PKIB: variants seen among roughly 807,000 people sequenced by gnomAD.
PKIB encodes cAMP-dependent protein kinase inhibitor beta.
PKIB carries 2 observed loss-of-function variants against 4.5 expected under a neutral mutation model. The observed-to-expected ratio is 0.44, with a 90% CI of 0.18 to 1.39. PKIB has a LOEUF of 1.39. Ranked by LOEUF, PKIB falls within the 40% of genes most tolerant of loss-of-function variation. The probability of loss-of-function intolerance (pLI) is 0.27; values close to 1 mark genes in which losing one functional copy is unlikely to be tolerated. For missense variants in PKIB, 94 were observed against 92.6 expected (o/e 1.02, Z -0.06); for synonymous variants, 38 against 36.0 (o/e 1.06, Z -0.20).
At chr6:122,594,645 A>T (rs1327026431) in intron 3 of PKIB, among the ~76,000 whole-genome samples, 1 of 152,152 alleles carries the variant, frequency 6.6e-6, no homozygotes, top group Admixed American at 6.5e-5. Context: ...TTCTTCTACT[A>T]CCCATTCTGT....
chr6:122,705,103 A>T (rs1405099531), intron 3 of PKIB, among the ~76,000 whole-genome samples: 1 of 152,166 alleles, frequency 6.6e-6, no homozygotes, highest in Non-Finnish European at 1.5e-5. Flanking sequence ...CCATCTATTT[A>T]ATAATCCTTA....
intron 2 of PKIB, among the ~76,000 whole-genome samples, chr6:122,518,052 T>C (rs888882708): frequency 3.9e-5 from 6 of 152,240 alleles, no homozygotes; most frequent in African/African-American, 1.4e-4. Flanking sequence ...ACTTTTTTTT[T>C]CTCAACAGGT....
chr6:122,519,367 C>A (rs530642613), intron 2 of PKIB, among the ~76,000 whole-genome samples: 3 of 152,088 alleles, frequency 2.0e-5, no homozygotes, highest in Non-Finnish European at 4.4e-5. Flanking sequence ...ATAATTGTTT[C>A]ATTATATGTT....
intron 3 of PKIB, among the ~76,000 whole-genome samples, chr6:122,690,953 A>C (rs761424451): frequency 7.1e-4 from 100 of 140,748 alleles, no homozygotes; most frequent in Non-Finnish European, 1.3e-3. Context: ...TTTTTGCCAA[A>C]TATACTATTC....
At chr6:122,672,079 G>T (rs1269431439) in intron 2 of PKIB, among the ~76,000 whole-genome samples, 1 of 152,108 alleles carries the variant, frequency 6.6e-6, no homozygotes, top group African/African-American at 2.4e-5. Context: ...GGATGGACAA[G>T]CACCAAGATG....
At chr6:122,594,397 G>C (rs768692049) in intron 3 of PKIB, among the ~76,000 whole-genome samples, 29 of 151,958 alleles carry the variant, frequency 1.9e-4, no homozygotes, top group Non-Finnish European at 3.2e-4. Context: ...AGTAGAGACG[G>C]GGTTTCACCA....
At chr6:122,686,700 T>C (rs1175205806) in intron 3 of PKIB, among the ~76,000 whole-genome samples, 2 of 151,964 alleles carry the variant, frequency 1.3e-5, no homozygotes, top group Non-Finnish European at 2.9e-5. Context: ...TCCCAGTAGA[T>C]TGTCTTTTGA....
chr6:122,551,486 T>C (rs1273549665), intron 2 of PKIB, among the ~76,000 whole-genome samples: 1 of 152,216 alleles, frequency 6.6e-6, no homozygotes, highest in Non-Finnish European at 1.5e-5. Flanking sequence ...TTTTCTCTTA[T>C]TTCTCTGAGA....
intron 2 of PKIB, among the ~76,000 whole-genome samples, chr6:122,512,684 C>T (rs1426683123): frequency 2.0e-5 from 3 of 152,192 alleles, no homozygotes; most frequent in Non-Finnish European, 2.9e-5. Flanking sequence ...GTCCAAGTCT[C>T]GGTTATCACT....
intron 3 of PKIB, among the ~76,000 whole-genome samples, chr6:122,696,444 A>G (rs1438459109): frequency 6.6e-6 from 1 of 152,184 alleles, no homozygotes; most frequent in African/African-American, 2.4e-5. Flanking sequence ...ATTCTAAGGA[A>G]CATCCAAATG....
chr6:122,533,145 T>TA (rs755197746), intron 2 of PKIB, among the ~76,000 whole-genome samples: 845 of 54,472 alleles, frequency 0.016, 7 homozygotes, highest in Admixed American at 0.039. Flanking sequence ...TGCACAAAAC[T>TA]TTTTATTTAT....
intron 2 of PKIB, among the ~76,000 whole-genome samples, chr6:122,486,076 C>A (rs141342567): frequency 3.3e-5 from 5 of 152,098 alleles, no homozygotes; most frequent in African/African-American, 1.2e-4. Flanking sequence ...CCACATTACC[C>A]CCCTGACTCT....
At chr6:122,666,372 A>G (rs764457651) in intron 2 of PKIB, among the ~76,000 whole-genome samples, 8 of 152,264 alleles carry the variant, frequency 5.3e-5, no homozygotes, top group Admixed American at 1.3e-4. Context: ...TCCGTTTAAT[A>G]GCAGTATCTT....
At chr6:122,549,225 G>T (rs1398833848) in intron 2 of PKIB, among the ~76,000 whole-genome samples, 2 of 152,124 alleles carry the variant, frequency 1.3e-5, no homozygotes, top group African/African-American at 4.8e-5. Flanking sequence ...AAAACACTCA[G>T]TATGGGTATC....
At chr6:122,537,219 AG>A (rs1293360394) in intron 2 of PKIB, among the ~76,000 whole-genome samples, 2 of 152,002 alleles carry the variant, frequency 1.3e-5, no homozygotes, top group Non-Finnish European at 2.9e-5. Context: ...CACAATGTGC[AG>A]GTTTGTTACA....
At chr6:122,530,494 C>T (rs1002926721) in intron 2 of PKIB, among the ~76,000 whole-genome samples, 1 of 151,860 alleles carries the variant, frequency 6.6e-6, no homozygotes, top group Non-Finnish European at 1.5e-5. Context: ...CTTTGTATGC[C>T]TTGTAATTTG....
At chr6:122,672,746 G>C (rs1032166728) in intron 2 of PKIB, among the ~76,000 whole-genome samples, 27 of 151,488 alleles carry the variant, frequency 1.8e-4, no homozygotes, top group Non-Finnish European at 2.8e-4. Context: ...TAGCAAATAA[G>C]TTATATTAGA....
At chr6:122,651,399 G>T (rs1014905555) in intron 2 of PKIB, among the ~76,000 whole-genome samples, 1 of 152,136 alleles carries the variant, frequency 6.6e-6, no homozygotes, top group Non-Finnish European at 1.5e-5. Context: ...GAAGCAAAGA[G>T]GGGTGTCAGG....
intron 2 of PKIB, among the ~76,000 whole-genome samples, chr6:122,529,986 G>T (rs67341633): frequency 2.0e-5 from 3 of 151,780 alleles, no homozygotes; most frequent in East Asian, 3.9e-4. Context: ...CTTCAGATCT[G>T]GGCTATTTTC....
Sources: gnomAD v4.1 joint callset for allele counts (sites outside exome capture counted in the v4.1 genomes callset) on GRCh38, gnomAD v4.1.1 for gene constraint, MANE v1.5 for transcripts, NCBI Gene and HGNC (gene_info 2026-07-23, HGNC 2026-07-21) for gene names.